AGAP1: variants seen among roughly 807,000 people sequenced by gnomAD.
AGAP1 encodes the protein arf-GAP with GTPase, ANK repeat and PH domain-containing protein 1.
Under a neutral mutation model 105.3 loss-of-function variants are expected in AGAP1, and 29 were observed. The observed-to-expected ratio is 0.28, with a 90% confidence interval of 0.21 to 0.38. The LOEUF is 0.38. Ranked by LOEUF, AGAP1 falls within the 10% of genes least tolerant of loss-of-function variation. The pLI is 1.00. For missense variants in AGAP1, 998 were observed against 1,165.1 expected (o/e 0.86, Z 2.09); for synonymous variants, 509 against 485.9 (o/e 1.05, Z -0.63).
At chr2:235,813,014 A>C (rs983161409) in intron 9 of AGAP1, among the ~76,000 whole-genome samples, 3 of 152,218 alleles carry the variant, frequency 2.0e-5, no homozygotes, top group African/African-American at 7.2e-5. Context: ...GACCCAGCCC[A>C]GTTACGATGA....
rs952350245 is a variant in AGAP1, at chr2:236,078,734, A to G, written c.2114+29453A>G. On this transcript the variant is annotated intron_variant, in intron 16 of 17. Transcript: ENST00000304032. This position sits in a 1 kb window ranked among gnomAD's most constrained non-coding sequence, Gnocchi z 5.3. ...GTGCTAGATGGGACCATGGGACCCA[A>G]GTCCACCCTCTGGCCCCTTCTCCCT... 5.9e-5 allele frequency among the ~76,000 whole-genome samples: 9 copies of G among 152,266 alleles called. No homozygotes were observed. Among genetic ancestry groups the G allele is most frequent in the African/African-American group, 1.9e-4 (8 of 41,558 alleles).
chr2:235,926,238 G>A (rs536461835), intron 11 of AGAP1, among the ~76,000 whole-genome samples: 2 of 152,326 alleles, frequency 1.3e-5, no homozygotes, highest in African/African-American at 2.4e-5. Flanking sequence ...CACTATAATT[G>A]GATATGGAAT....
intron 16 of AGAP1, among the ~76,000 whole-genome samples, chr2:236,116,911 C>T (rs1376786745): frequency 2.0e-5 from 3 of 152,170 alleles, no homozygotes; most frequent in East Asian, 1.9e-4. Flanking sequence ...CATTGGAGGT[C>T]CCTGCAAATG....
chr2:235,578,722 T>C lies in AGAP1; in HGVS notation c.163+83873T>C, dbSNP rs11890510. On this transcript the variant is annotated intron_variant, in intron 1 of 17. Transcript: ENST00000304032. The surrounding 1 kb of genome is among the most constrained non-coding windows in gnomAD (Gnocchi z 4.9). ...ATTGCTTGAACCCAGGAGGCGGAGG[T>C]TGCAGTAAGCCGACATTGTGCCACT... Among the ~76,000 whole-genome samples the C allele has an allele frequency of 0.025, 3,829 of 151,318 alleles. 175 individuals carry two copies. Among genetic ancestry groups the C allele is most frequent in the African/African-American group, 0.088 (3,616 of 41,092 alleles).
intron 12 of AGAP1, among the ~76,000 whole-genome samples, chr2:235,933,820 C>T (rs552925879): frequency 8.9e-4 from 136 of 152,282 alleles, no homozygotes; most frequent in Non-Finnish European, 3.5e-4. Context: ...CATGAGCCAC[C>T]GCGCCCGGCC....
rs2057596086 is a variant in AGAP1 at position 236,042,888 on chromosome 2, A to AC, written c.1891+2050dup. Reference sequence around the variant, plus strand: ...GTGGTCTGTGTCAGCCCGGTGCCAAACCCTCCCATGCGCTGTCTTTTCATT... The same window carrying AC: ...GTGGTCTGTGTCAGCCCGGTGCCAAACCCCTCCCATGCGCTGTCTTTTCATT... On this transcript the variant is annotated intron_variant, in intron 15 of 17. Transcript: ENST00000304032. The surrounding 1 kb of genome is among the most constrained non-coding windows in gnomAD (Gnocchi z 5.6). Among the ~76,000 whole-genome samples the AC allele has an allele frequency of 1.3e-5, 2 of 152,164 alleles. No individual in the cohort carries two copies.
intron 13 of AGAP1, among the ~76,000 whole-genome samples, chr2:236,025,120 C>G (rs2057011583): frequency 1.3e-5 from 2 of 152,186 alleles, no homozygotes; most frequent in South Asian, 4.1e-4. Context: ...TCAGGAGCTT[C>G]TACAACCTGA....
At position 235,651,184 on chromosome 2, in the gene AGAP1, C is replaced by CAAAAAAAAAAAAAAA. The variant is rs55990003; in HGVS notation, c.164-57976_164-57962dup. 2.0e-4 allele frequency among the ~76,000 whole-genome samples: 11 copies of CAAAAAAAAAAAAAAA among 54,152 alleles called. 1 individual carries two copies. Among genetic ancestry groups the CAAAAAAAAAAAAAAA allele is most frequent in the Non-Finnish European group, 2.6e-4 (7 of 27,098 alleles). The allele number at this position is 54,152 out of a possible 152,430, so 35.5% of individuals were successfully genotyped here. ...AGAGTGACAGAGTGAAACTCCATCT[C>CAAAAAAAAAAAAAAA]AAAAAAAAAAAAAAAAAAAAAAAAA... On this transcript the variant is annotated intron_variant, in intron 1 of 17. Transcript: ENST00000304032.
chr2:235,589,189 G>GTTTTTTTTTTTTTTTTTTTTTTTTT lies in AGAP1; in HGVS notation c.163+94344_163+94345insTTTTTTTTTTTTTTTTTTTTTTTTT, dbSNP rs1205771315. Among the ~76,000 whole-genome samples the GTTTTTTTTTTTTTTTTTTTTTTTTT allele has an allele frequency of 7.3e-5, 4 of 54,926 alleles. 1 individual carries two copies. The highest frequency in any genetic ancestry group is 1.3e-4 in the Non-Finnish European group (3 of 23,254). The allele number at this position is 54,926 out of a possible 152,430, so 36.0% of individuals were successfully genotyped here. A position where few individuals can be genotyped will look rare whatever the true frequency, so the allele number is the denominator to read the frequency against. On this transcript the variant is annotated intron_variant, in intron 1 of 17. Coordinates refer to ENST00000304032, the MANE Select transcript of AGAP1 (RefSeq NM_001037131.3). ...GAGAACTACCAGTTAATAGCTTATT[G>GTTTTTTTTTTTTTTTTTTTTTTTTT]TTTTGTTTTTTTTTTTTTTTTTTTT...
rs558295167 is a variant in AGAP1 at position 236,106,241 on chromosome 2, A to G, written c.2115-13951A>G. Among the ~76,000 whole-genome samples the G allele has an allele frequency of 1.7e-4, 26 of 152,302 alleles. No individual in the cohort carries two copies. The South Asian group carries it at 5.4e-3, about 32-fold the overall frequency. On this transcript the variant is annotated intron_variant, in intron 16 of 17. Transcript: ENST00000304032. The stretch of plus-strand genomic sequence containing the variant: ...AGAGGACCTTGGTTTTAGAACTTTG[A>G]TTGAAGCCTAAGGACCGTTGGTCCA...
At chr2:235,968,725 C>T in intron 13 of AGAP1, 102 bp downstream of exon 13, 8 of 1,239,456 alleles carry the variant, frequency 6.5e-6, no homozygotes. Context: ...AACAAATGCA[C>T]AGTAATGCTG....
intron 9 of AGAP1, among the ~76,000 whole-genome samples, chr2:235,831,488 C>T (rs549869419): frequency 3.8e-4 from 58 of 152,332 alleles, no homozygotes; most frequent in African/African-American, 1.2e-3. Flanking sequence ...TTTCCCCCAC[C>T]GCCTGAAATC....
chr2:235,834,603 T>C (rs76957179), intron 9 of AGAP1, among the ~76,000 whole-genome samples: 1,935 of 152,306 alleles, frequency 0.013, 49 homozygotes, highest in African/African-American at 0.043. Context: ...AATGTCAGTT[T>C]TTTGGGTACC....
At chr2:235,809,219 G>T (rs561873013) in intron 9 of AGAP1, among the ~76,000 whole-genome samples, 4 of 152,136 alleles carry the variant, frequency 2.6e-5, no homozygotes, top group East Asian at 3.9e-4. Context: ...CTGTGGAGGG[G>T]GCTAGCTTTG....
chr2:235,671,134 C>T (rs568855321), intron 1 of AGAP1: 1,008 of 1,229,772 alleles, frequency 8.2e-4, no homozygotes, highest in Admixed American at 2.3e-3. Context: ...GGCTATGGGA[C>T]CCGCCCTCCC....
At chr2:235,813,729 A>G (rs1958290172) in intron 9 of AGAP1, among the ~76,000 whole-genome samples, 1 of 152,216 alleles carries the variant, frequency 6.6e-6, no homozygotes, top group Admixed American at 6.5e-5. Context: ...CAGCTCAGTT[A>G]GTCCCTCTGC....
rs149672728 is a variant in AGAP1, at chr2:235,726,208, G to A, written c.310+8564G>A. Among the ~76,000 whole-genome samples, 364 of 152,226 alleles carry A rather than the reference G, an allele frequency of 2.4e-3. 4 individuals are homozygous for A. The highest frequency in any genetic ancestry group is 0.02 in the East Asian group (105 of 5,166). The stretch of plus-strand genomic sequence containing the variant: ...TGGGACTTACACCCGGTCTGGGAGC[G>A]CCCTAAAGAGGACAAGCCCGCTGGC... On this transcript the variant is annotated intron_variant, in intron 3 of 17. Coordinates refer to ENST00000304032, the MANE Select transcript of AGAP1 (RefSeq NM_001037131.3).
chr2:235,555,402 C>T lies in AGAP1; in HGVS notation c.163+60553C>T, dbSNP rs1943942141. ...AGATGGCTGGTTCCTGCCAGTGACACACGTGGACCTCAAGCAGGTGGATGG... is the reference window on the plus strand; with the variant it reads ...AGATGGCTGGTTCCTGCCAGTGACATACGTGGACCTCAAGCAGGTGGATGG... On this transcript the variant is annotated intron_variant, in intron 1 of 17. Transcript: ENST00000304032. The surrounding 1 kb of genome is among the most constrained non-coding windows in gnomAD (Gnocchi z 5.1). Among the ~76,000 whole-genome samples, 1 of 152,204 alleles carries T rather than the reference C, an allele frequency of 6.6e-6. No homozygotes were observed. Among genetic ancestry groups the T allele is most frequent in the Non-Finnish European group, 1.5e-5 (1 of 68,042 alleles).
At chr2:235,771,997 A>ACCTT (rs377170250) in intron 6 of AGAP1, among the ~76,000 whole-genome samples, 1 of 131,666 alleles carries the variant, frequency 7.6e-6, no homozygotes, top group African/African-American at 2.9e-5. Flanking sequence ...TTCTTTTCTT[A>ACCTT]TCTTTTTTTT....
Sources: allele counts gnomAD v4.1 joint callset (sites outside exome capture counted in the v4.1 genomes callset), GRCh38; gene constraint gnomAD v4.1.1; non-coding constraint Gnocchi (gnomAD v3.1); transcripts MANE v1.5; gene names NCBI Gene and HGNC (gene_info 2026-07-23, HGNC 2026-07-21).